Variants in ITGAM observed in about 807,000 individuals in gnomAD.
ITGAM encodes the protein integrin alpha-M.
A neutral mutation model predicts 137.5 loss-of-function variants in ITGAM; 79 were observed. That is an observed-to-expected ratio of 0.57 (90% CI 0.48 to 0.69). The LOEUF (loss-of-function observed/expected upper bound fraction) is 0.69. Among genes scored for constraint, ITGAM ranks in the 30% least tolerant of loss-of-function variants. The pLI, the probability that ITGAM is intolerant of heterozygous loss-of-function variation, is 0.00. For missense variants in ITGAM, 1,343 were observed against 1,483.5 expected (o/e 0.91, Z 1.56); for synonymous variants, 583 against 592.3 (o/e 0.98, Z 0.23).
At chr16:31,298,709 A>C (rs532771425) in intron 14 of ITGAM, among the ~76,000 whole-genome samples, 4 of 152,326 alleles carry the variant, frequency 2.6e-5, no homozygotes, top group Non-Finnish European at 1.5e-5. Context: ...ACAGATGTGG[A>C]ATTGTGCAGT....
At chr16:31,317,238 T>A (rs1000954332) in intron 14 of ITGAM, among the ~76,000 whole-genome samples, 20 of 152,318 alleles carry the variant, frequency 1.3e-4, no homozygotes, top group Admixed American at 2.6e-4. Flanking sequence ...ACACTTTTTT[T>A]AATGTTCTTT....
intron 14 of ITGAM, among the ~76,000 whole-genome samples, chr16:31,299,171 G>T (rs1246285088): frequency 6.6e-6 from 1 of 152,028 alleles, no homozygotes. Flanking sequence ...TCATCTATTG[G>T]TGCAATGTTG....
chr16:31,275,460 T>C (rs974004155), intron 8 of ITGAM, 89 bp from the exon 9 acceptor site: 3 of 1,337,410 alleles, frequency 2.2e-6, no homozygotes, highest in Non-Finnish European at 3.2e-6. Flanking sequence ...TGATAAATAA[T>C]GGTTCAGACT....
intron 16 of ITGAM, among the ~76,000 whole-genome samples, chr16:31,323,421 C>A (rs1355716791): frequency 1.5e-5 from 2 of 131,368 alleles, no homozygotes; most frequent in Non-Finnish European, 1.6e-5. Flanking sequence ...AGCGAAACTC[C>A]ATTTCAAAAA....
chr16:31,307,713 C>T (rs1452072965), intron 14 of ITGAM, among the ~76,000 whole-genome samples: 1 of 151,990 alleles, frequency 6.6e-6, no homozygotes, highest in Non-Finnish European at 1.5e-5. Context: ...AGAGGGCATC[C>T]CTGTCTTGTG....
chr16:31,311,285 G>A (rs1182176421), intron 14 of ITGAM, among the ~76,000 whole-genome samples: 6 of 152,136 alleles, frequency 3.9e-5, no homozygotes, highest in Non-Finnish European at 8.8e-5. Flanking sequence ...TTGACAAATG[G>A]GATCTAATTA....
chr16:31,312,051 T>C (rs1255983839), intron 14 of ITGAM, among the ~76,000 whole-genome samples: 2 of 143,682 alleles, frequency 1.4e-5, no homozygotes, highest in South Asian at 2.2e-4. Context: ...AACCAAACAC[T>C]GCATGTTCTC....
intron 2 of ITGAM, among the ~76,000 whole-genome samples, chr16:31,262,527 T>A (rs2144246667): frequency 1.3e-5 from 2 of 149,668 alleles, no homozygotes; most frequent in South Asian, 4.1e-4. Flanking sequence ...CTTAGCCTCC[T>A]GAGTAGCTGG....
intron 21 of ITGAM, among the ~76,000 whole-genome samples, chr16:31,326,152 T>C (rs2080506233): frequency 6.6e-6 from 1 of 152,228 alleles, no homozygotes; most frequent in Non-Finnish European, 1.5e-5. Context: ...TCCGTCATCA[T>C]GATCCATTTT....
At chr16:31,288,551 C>T (rs1466591768) in intron 12 of ITGAM, among the ~76,000 whole-genome samples, 1 of 152,066 alleles carries the variant, frequency 6.6e-6, no homozygotes, top group African/African-American at 2.4e-5. Context: ...AACTGGCTAG[C>T]CATATGTAGA....
At chr16:31,281,804 G>C (rs2079972304) in intron 12 of ITGAM, among the ~76,000 whole-genome samples, 1 of 152,080 alleles carries the variant, frequency 6.6e-6, no homozygotes. Flanking sequence ...TCTTTTAATT[G>C]TGATTTTAAG....
At chr16:31,313,258 G>A (rs1027567243) in intron 14 of ITGAM, among the ~76,000 whole-genome samples, 47 of 152,114 alleles carry the variant, frequency 3.1e-4, no homozygotes, top group Non-Finnish European at 5.4e-4. Context: ...TACATGTGCA[G>A]AACATGTAGG....
At chr16:31,302,395 CT>C (rs1349895052) in intron 14 of ITGAM, among the ~76,000 whole-genome samples, 1,971 of 140,914 alleles carry the variant, frequency 0.014, 56 homozygotes, top group African/African-American at 0.022. Flanking sequence ...TTTCTTTTTT[CT>C]TTTCTTTTCT....
At position 31,310,397 on chromosome 16, in the gene ITGAM, T is replaced by G. The variant is rs529913323; in HGVS notation, c.1708-10844T>G. 1.2e-4 allele frequency among the ~76,000 whole-genome samples: 18 copies of G among 152,264 alleles called. No individual in the cohort carries two copies. The South Asian group carries it at 3.7e-3, about 32-fold the overall frequency. On this transcript the variant is annotated intron_variant, in intron 14 of 29. Transcript: ENST00000544665. ...TTCTTGGAGGCTTTGTTCATTTCTT[T>G]TTATTCTTTTTTCTCTAAACTTCTC...
In ITGAM at chr16:31,331,631, C is replaced by A. The variant is rs1449012021; in HGVS notation, c.3388-5C>A. The A allele has an allele frequency of 5.0e-6, 8 of 1,604,944 alleles. No individual in the cohort carries two copies. The highest frequency in any genetic ancestry group is 6.8e-6 in the Non-Finnish European group (8 of 1,176,092). ...TCGCTCTCACTGCCCTCCTCTGCCC[C>A]GCAGCTCGGCTTCTTCAAGCGGCAA... On this transcript the variant is annotated splice_region_variant and splice_polypyrimidine_tract_variant and intron_variant, in intron 29 of 29. Transcript: ENST00000544665.
chr16:31,282,216 T>C (rs2079977308), intron 12 of ITGAM, among the ~76,000 whole-genome samples: 2 of 152,052 alleles, frequency 1.3e-5, no homozygotes, highest in African/African-American at 4.8e-5. Context: ...GTGGAGAGTT[T>C]TGTAGATGTC....
Position 31,270,984 on chromosome 16 carries a change from T to C in ITGAM, c.458T>C (p.Phe153Ser). 1 of 1,585,252 alleles carries C rather than the reference T, an allele frequency of 6.3e-7. No individual in the cohort carries two copies. The highest frequency in any genetic ancestry group is 1.7e-5 in the Admixed American group (1 of 58,174). Residue 153 changes from phenylalanine (F) to serine (S), a missense_variant, in exon 6 of 30, where the codon TTC becomes TCC. Phe to Ser is a radical substitution (Grantham distance 155, BLOSUM62 -2). Coordinates refer to ENST00000544665, the MANE Select transcript of ITGAM (RefSeq NM_000632.4). The stretch of plus-strand genomic sequence containing the variant: ...CCTCAAGAGGATAGTGACATTGCCT[T>C]CTTGATTGATGGCTCTGGTAGCATC... The part of the protein sequence containing the change: ...GCPQEDSDIA[F>S]LIDGSGSIIP...
In ITGAM at chr16:31,297,565, G is replaced by A. The variant is rs757921643; in HGVS notation, c.1408G>A (p.Gly470Ser). 13 of 1,612,074 alleles carry A rather than the reference G, an allele frequency of 8.1e-6. No homozygotes were observed. The highest frequency in any genetic ancestry group is 5.5e-5 in the South Asian group (5 of 90,994). ...CTGCTCCGTGGACGTGGACAGCAAC[G>A]GCAGCACCGACCTGGTCCTCATCGG... ...SLCSVDVDSN[G>S]STDLVLIGAP... Residue 470 changes from glycine to serine, a missense_variant, in exon 13 of 30, where the codon GGC becomes AGC. Transcript: ENST00000544665.
rs767457763 is a variant in ITGAM, at chr16:31,273,341, T to A, written c.705-24T>A. Reference sequence around the variant, plus strand: ...GTGTGTCATCTACTTGCATTTGACTTTGTCCCTCCTGTTTCCTGCACAGAC... The same window carrying A: ...GTGTGTCATCTACTTGCATTTGACTATGTCCCTCCTGTTTCCTGCACAGAC... On this transcript the variant is annotated intron_variant, in intron 7 of 29. Coordinates refer to ENST00000544665, the MANE Select transcript of ITGAM (RefSeq NM_000632.4). 5.0e-6 allele frequency: 8 copies of A among 1,594,030 alleles called. No individual in the cohort carries two copies. In the Admixed American group the frequency reaches 1.3e-4, roughly 25 times the overall value.
Sources: gnomAD v4.1 joint callset for allele counts (sites outside exome capture counted in the v4.1 genomes callset) on GRCh38, gnomAD v4.1.1 for gene constraint, MANE v1.5 for transcripts, NCBI Gene and HGNC (gene_info 2026-07-23, HGNC 2026-07-21) for gene names.